Variants in ARHGAP42 observed in about 807,000 individuals in gnomAD.
ARHGAP42 encodes the protein rho GTPase-activating protein 42.
ARHGAP42 carries 63 observed loss-of-function variants against 125.0 expected under a neutral mutation model. That is an observed-to-expected ratio of 0.50 (90% CI 0.41 to 0.62). ARHGAP42 has a LOEUF of 0.62. Ranked by LOEUF, ARHGAP42 falls within the 20% of genes least tolerant of loss-of-function variation. The pLI is 0.00. For synonymous variants in ARHGAP42, 339 were observed against 351.0 expected (o/e 0.97, Z 0.38); for missense variants, 766 against 1,024.2 (o/e 0.75, Z 3.44).
intron 3 of ARHGAP42, among the ~76,000 whole-genome samples, chr11:100,854,338 G>C (rs1458701354): frequency 6.6e-6 from 1 of 152,148 alleles, no homozygotes; most frequent in Non-Finnish European, 1.5e-5. Context: ...GTAAGAGTTA[G>C]ATCTAACTGA....
At chr11:100,795,904 G>T (rs1278972886) in intron 3 of ARHGAP42, among the ~76,000 whole-genome samples, 1 of 152,074 alleles carries the variant, frequency 6.6e-6, no homozygotes, top group Non-Finnish European at 1.5e-5. Flanking sequence ...TTACAGTGAG[G>T]GTTACAGACT....
At chr11:100,774,303 C>G (rs564295227) in intron 2 of ARHGAP42, among the ~76,000 whole-genome samples, 1 of 152,156 alleles carries the variant, frequency 6.6e-6, no homozygotes, top group Admixed American at 6.5e-5. Context: ...GCTTGTCCAC[C>G]TTCATTGGCT....
At chr11:100,727,021 C>T (rs1861873162) in intron 1 of ARHGAP42, among the ~76,000 whole-genome samples, 3 of 152,282 alleles carry the variant, frequency 2.0e-5, no homozygotes, top group South Asian at 2.1e-4. Context: ...TTGCTGGTTA[C>T]AATTCCTCTG....
intron 22 of ARHGAP42, among the ~76,000 whole-genome samples, chr11:100,985,886 G>A (rs1858666198): frequency 6.6e-6 from 1 of 152,178 alleles, no homozygotes; most frequent in African/African-American, 2.4e-5. Flanking sequence ...CTCCAACAGG[G>A]AAATGAAATT....
chr11:100,961,682 A>G lies in ARHGAP42; in HGVS notation c.1301-2A>G. On this transcript the variant is annotated splice_acceptor_variant, in intron 14 of 23. Coordinates refer to ENST00000298815, the MANE Select transcript of ARHGAP42 (RefSeq NM_152432.4). LOFTEE classifies it high-confidence loss of function. Reference sequence around the variant, plus strand: ...TTAAACACCTTGTTTTATTCTTTCCAGCTCCTAAATCCCCTCCTGATATTG... The same window carrying G: ...TTAAACACCTTGTTTTATTCTTTCCGGCTCCTAAATCCCCTCCTGATATTG... 1.3e-6 allele frequency: 2 copies of G among 1,550,778 alleles called. No homozygotes were observed. Among genetic ancestry groups the G allele is most frequent in the South Asian group, 1.2e-5 (1 of 83,888 alleles).
chr11:100,859,727 G>T (rs990191882), intron 4 of ARHGAP42, 102 bp downstream of exon 4: 179 of 918,414 alleles, frequency 1.9e-4, no homozygotes, highest in Non-Finnish European at 2.5e-4. Context: ...CCTTTTAAAA[G>T]ATTTTGTACA....
At chr11:100,912,200 G>T (rs1181089900) in intron 4 of ARHGAP42, among the ~76,000 whole-genome samples, 3 of 152,116 alleles carry the variant, frequency 2.0e-5, no homozygotes, top group East Asian at 1.9e-4. Flanking sequence ...TAAGCTAGAA[G>T]ATTTTCCTTC....
intron 1 of ARHGAP42, among the ~76,000 whole-genome samples, chr11:100,689,266 T>A (rs1040182441): frequency 1.7e-4 from 26 of 152,210 alleles, no homozygotes; most frequent in African/African-American, 5.8e-4. Context: ...TAAACACTAA[T>A]GTGAACTGTC....
intron 4 of ARHGAP42, among the ~76,000 whole-genome samples, chr11:100,899,721 TGTTTTTTTTTTTG>T (rs1866479878): frequency 7.9e-5 from 6 of 75,496 alleles, no homozygotes; most frequent in Non-Finnish European, 1.5e-4. Context: ...TTTTGTGTTT[TGTTTTTTTTTTTG>T]TTTTTTTTTG....
intron 2 of ARHGAP42, among the ~76,000 whole-genome samples, chr11:100,773,028 G>T (rs527875133): frequency 6.6e-6 from 1 of 152,068 alleles, no homozygotes; most frequent in African/African-American, 2.4e-5. Context: ...GTAGAGATGG[G>T]GTTTCCCCAT....
chr11:100,967,867 C>A (rs975863562), intron 17 of ARHGAP42, among the ~76,000 whole-genome samples: 1 of 152,046 alleles, frequency 6.6e-6, no homozygotes, highest in African/African-American at 2.4e-5. Flanking sequence ...GCATGTGACA[C>A]CACGCCCAGC....
intron 1 of ARHGAP42, among the ~76,000 whole-genome samples, chr11:100,736,973 G>T (rs1862081197): frequency 6.6e-6 from 1 of 152,076 alleles, no homozygotes; most frequent in Non-Finnish European, 1.5e-5. Flanking sequence ...TAGAATTTGG[G>T]GCATCCTATA....
intron 1 of ARHGAP42, among the ~76,000 whole-genome samples, chr11:100,708,479 A>G (rs186020886): frequency 3.9e-5 from 6 of 152,272 alleles, no homozygotes; most frequent in African/African-American, 1.4e-4. Flanking sequence ...AGCCTTGCAC[A>G]CTCTAGCTTG....
intron 5 of ARHGAP42, among the ~76,000 whole-genome samples, chr11:100,918,776 G>T (rs139555366): frequency 2.0e-5 from 3 of 152,262 alleles, no homozygotes; most frequent in Admixed American, 1.3e-4. Context: ...TCAGTAGTCC[G>T]CATTGGAGGC....
At chr11:100,872,168 G>A (rs923201206) in intron 4 of ARHGAP42, among the ~76,000 whole-genome samples, 16 of 152,176 alleles carry the variant, frequency 1.1e-4, no homozygotes, top group Non-Finnish European at 2.1e-4. Context: ...AGCCCCCAAA[G>A]AGTATCTGGA....
At chr11:100,746,431 C>T (rs1471438420) in intron 1 of ARHGAP42, among the ~76,000 whole-genome samples, 2 of 152,210 alleles carry the variant, frequency 1.3e-5, no homozygotes, top group African/African-American at 4.8e-5. Flanking sequence ...ACTGGAGGAC[C>T]ACCCTAGTGG....
intron 3 of ARHGAP42, among the ~76,000 whole-genome samples, chr11:100,832,211 T>G (rs1235111504): frequency 6.6e-6 from 1 of 152,192 alleles, no homozygotes; most frequent in Non-Finnish European, 1.5e-5. Context: ...GATTCAGGCT[T>G]ATTGTGTGGG....
At chr11:100,871,316 C>T (rs941912073) in intron 4 of ARHGAP42, among the ~76,000 whole-genome samples, 4 of 151,696 alleles carry the variant, frequency 2.6e-5, no homozygotes, top group Non-Finnish European at 4.4e-5. Flanking sequence ...GAGGCACAGG[C>T]GGGTGGATCA....
chr11:100,719,137 G>A (rs1232615552), intron 1 of ARHGAP42, among the ~76,000 whole-genome samples: 1 of 152,186 alleles, frequency 6.6e-6, no homozygotes, highest in Non-Finnish European at 1.5e-5. Flanking sequence ...TTTAGTGGTA[G>A]ATAAATTTAA....
Sources: allele counts gnomAD v4.1 joint callset (sites outside exome capture counted in the v4.1 genomes callset), GRCh38; gene constraint gnomAD v4.1.1; transcripts MANE v1.5; gene names NCBI Gene and HGNC (gene_info 2026-07-23, HGNC 2026-07-21).